The following PHRF1 variants were observed in gnomAD, a reference collection of about 807,000 sequenced individuals.
The protein encoded by PHRF1 is PHD and ring finger domains 1.
A neutral mutation model predicts 128.9 loss-of-function variants in PHRF1; 53 were observed. The observed-to-expected ratio is 0.41, with a 90% CI of 0.33 to 0.52. The LOEUF (loss-of-function observed/expected upper bound fraction) is 0.52, where lower values mean the gene tolerates loss of function less well. PHRF1 is among the 20% of genes least tolerant of loss of function. The pLI, the probability that PHRF1 is intolerant of heterozygous loss-of-function variation, is 0.21. For synonymous variants in PHRF1, 1,178 were observed against 980.6 expected, an observed-to-expected ratio of 1.20 and a Z score of -3.76; for missense variants, 2,503 against 2,284.5, an observed-to-expected ratio of 1.10 and a Z score of -1.95.
In PHRF1 at chr11:608,912, G is replaced by T; in HGVS notation, c.3456G>T (p.Val1152=). ...AGCGGCCAGACAGGAAGGAGAGTGTGGCGTGGCCCCGAGACCGGAGGAAGC... is the reference window on the plus strand; with the variant it reads ...AGCGGCCAGACAGGAAGGAGAGTGTTGCGTGGCCCCGAGACCGGAGGAAGC... ...SHERPDRKES[V]AWPRDRRKRR... Residue 1152 remains valine (V), a synonymous_variant, in exon 14 of 18, where the codon GTG becomes GTT. Transcript: ENST00000264555. 6.2e-7 allele frequency: 1 copy of T among 1,612,138 alleles called. No individual in the cohort carries two copies. Among genetic ancestry groups the T allele is most frequent in the Non-Finnish European group, 8.5e-7 (1 of 1,179,744 alleles).
chr11:604,606 C>G (rs948211350), intron 10 of PHRF1, among the ~76,000 whole-genome samples: 33 of 152,286 alleles, frequency 2.2e-4, no homozygotes, highest in African/African-American at 7.7e-4. Flanking sequence ...CCTCTGCCTC[C>G]CGGGTTCAAG....
In PHRF1 at chr11:596,579, CTT is replaced by C. The variant is rs146151880; in HGVS notation, c.621-341_621-340del. ...TGGGCAGCGTAAACCGCAGGTCTTC[CTT>C]TTCTTGGTTTTGGAAACTAGACATC... On this transcript the variant is annotated intron_variant, in intron 6 of 17. Coordinates refer to ENST00000264555, the MANE Select transcript of PHRF1 (RefSeq NM_001286581.2). 1.6e-3 allele frequency among the ~76,000 whole-genome samples: 245 copies of C among 152,358 alleles called. 1 individual carries two copies. The East Asian group carries it at 0.031, about 20-fold the overall frequency.
At chr11:601,461 G>A (rs932420588) in intron 9 of PHRF1, 113 bp from the exon 10 acceptor site, 20 of 1,421,854 alleles carry the variant, frequency 1.4e-5, no homozygotes, top group South Asian at 5.2e-5. Flanking sequence ...AAGCCGGTGC[G>A]TGTGGTCCCG....
At chr11:590,622 A>G (rs769715331) in intron 4 of PHRF1, among the ~76,000 whole-genome samples, 5 of 152,230 alleles carry the variant, frequency 3.3e-5, no homozygotes, top group African/African-American at 4.8e-5. Context: ...AAGCCAACAT[A>G]AAGATCTTAT....
intron 14 of PHRF1, 86 bp from the exon 15 acceptor site, chr11:610,109 GC>G: frequency 7.0e-7 from 1 of 1,436,308 alleles, no homozygotes; most frequent in Non-Finnish European, 9.2e-7. Context: ...TGCTCCTGGT[GC>G]TTTTCTGGAT....
chr11:591,825 CA>C (rs1414419411), intron 5 of PHRF1, among the ~76,000 whole-genome samples: 1 of 152,162 alleles, frequency 6.6e-6, no homozygotes, highest in Non-Finnish European at 1.5e-5. Context: ...CAGCTTACTA[CA>C]GCCTCAATCT....
chr11:587,219 G>C (rs1854618895), intron 3 of PHRF1, 40 bp from the exon 4 acceptor site: 2 of 1,598,894 alleles, frequency 1.3e-6, no homozygotes, highest in Non-Finnish European at 1.7e-6. Context: ...GGTTCACGCT[G>C]CCCATCCTGC....
At chr11:605,034 T>C (rs1564859878) in intron 10 of PHRF1, 85 bp from the exon 11 acceptor site, 9 of 1,358,752 alleles carry the variant, frequency 6.6e-6, no homozygotes, top group African/African-American at 1.5e-5. Context: ...CTGTTGCTGA[T>C]GAAGGCTTCA....
Position 608,367 on chromosome 11 carries a change from C to T in PHRF1, c.2911C>T (p.Pro971Ser), listed in dbSNP as rs1856095683. Reference protein sequence around the residue: ...TCVTVVEPEAPPSPDVLQAAT... With the variant: ...TCVTVVEPEASPSPDVLQAAT... The stretch of plus-strand genomic sequence containing the variant: ...TGTGACTGTCGTGGAGCCGGAAGCC[C>T]CACCCAGCCCGGACGTGCTGCAGGC... Residue 971 changes from proline to serine, a missense_variant, in exon 14 of 18, where the codon CCA becomes TCA. Transcript: ENST00000264555. 1.2e-6 allele frequency: 2 copies of T among 1,610,898 alleles called. No homozygotes were observed. The highest frequency in any genetic ancestry group is 1.7e-6 in the Non-Finnish European group (2 of 1,179,158).
chr11:585,326 C>T (rs76967430), intron 3 of PHRF1, among the ~76,000 whole-genome samples: 101 of 1,210 alleles, frequency 0.083, no homozygotes, highest in African/African-American at 0.26. Context: ...AGGTAGTAGC[C>T]CTTTCCAGCT....
At position 607,102 on chromosome 11, in the gene PHRF1, C is replaced by G; in HGVS notation, c.1646C>G (p.Ser549Cys). The change falls in exon 14 of 18, where the codon TCC becomes TGC. Residue 549 changes from serine to cysteine, a missense_variant. By Grantham distance (112) the Ser-to-Cys change is moderately radical. Coordinates refer to ENST00000264555, the MANE Select transcript of PHRF1 (RefSeq NM_001286581.2). Reference protein sequence around the residue: ...VSFQRNSGSLSRGEEGFKGCL... With the variant: ...VSFQRNSGSLCRGEEGFKGCL... ...TTTCAGCGAAACTCAGGCAGTCTGT[C>G]CAGAGGGGAAGAAGGATTCAAGGGC... 6.2e-7 allele frequency: 1 copy of G among 1,604,986 alleles called. No individual in the cohort carries two copies. The highest frequency in any genetic ancestry group is 8.5e-7 in the Non-Finnish European group (1 of 1,175,140).
chr11:587,934 G>C (rs1002996105), intron 4 of PHRF1, among the ~76,000 whole-genome samples: 23 of 152,328 alleles, frequency 1.5e-4, no homozygotes, highest in Admixed American at 1.4e-3. Context: ...AACGTGCAGT[G>C]TATTTTATAT....
At chr11:584,686 T>G (rs899292185) in intron 3 of PHRF1, among the ~76,000 whole-genome samples, 10 of 150,744 alleles carry the variant, frequency 6.6e-5, no homozygotes, top group African/African-American at 2.4e-4. Flanking sequence ...TGGAGAGGTG[T>G]TGGTATAGCC....
rs769520970 is a variant in PHRF1, at chr11:607,482, A to G, written c.2026A>G (p.Ile676Val). Residue 676 changes from isoleucine to valine, a missense_variant, in exon 14 of 18, where the codon ATC (isoleucine) becomes GTC (valine). Coordinates refer to ENST00000264555, the MANE Select transcript of PHRF1 (RefSeq NM_001286581.2). ...PLKPAPRRTD[I>V]SELPRIPKIR... ...GAAGCCAGCGCCCAGAAGAACAGAC[A>G]TCTCTGAGCTACCCAGGATACCAAA... 1.2e-6 allele frequency: 2 copies of G among 1,612,854 alleles called. No homozygotes were observed. Among genetic ancestry groups the G allele is most frequent in the Non-Finnish European group, 8.5e-7 (1 of 1,179,874 alleles).
At chr11:601,428 CAA>C (rs59861558) in intron 9 of PHRF1, 144 bp from the exon 10 acceptor site, 28,446 of 840,626 alleles carry the variant, frequency 0.034, no homozygotes, top group South Asian at 0.057. Context: ...GATCCTGTCT[CAA>C]AAAAAAAAAA....
intron 1 of PHRF1, among the ~76,000 whole-genome samples, chr11:577,868 T>G (rs1044133502): frequency 2.6e-5 from 4 of 152,240 alleles, no homozygotes; most frequent in Admixed American, 2.0e-4. Flanking sequence ...TTGGTTCCCC[T>G]GAATTTGAAA....
Position 598,473 on chromosome 11 carries a change from G to T in PHRF1, c.995G>T (p.Arg332Leu). ...TAVYQRPLTP[R>L]TPARRKRKTR... ...GTGTATCAGCGCCCCCTGACGCCGC[G>T]CACTCCCGCCCGACGGAAGAGGAAG... Residue 332 changes from arginine to leucine, a missense_variant, in exon 9 of 18, where the codon CGC becomes CTC. By Grantham distance (102) the Arg-to-Leu change is moderately radical. Transcript: ENST00000264555. 7 of 1,609,926 alleles carry T rather than the reference G, an allele frequency of 4.3e-6. No individual in the cohort carries two copies. The highest frequency in any genetic ancestry group is 5.1e-6 in the Non-Finnish European group (6 of 1,179,530).
Position 605,804 on chromosome 11 carries a change from A to G in PHRF1, c.1454+80A>G, listed in dbSNP as rs1028473306. 4.7e-6 allele frequency: 7 copies of G among 1,490,908 alleles called. No individual in the cohort carries two copies. The African/African-American group carries it at 8.4e-5, about 18-fold the overall frequency. The allele number at this position is 1,490,908 out of a possible 1,614,324, so 92.4% of individuals were successfully genotyped here. On this transcript the variant is annotated intron_variant, in intron 12 of 17. Coordinates refer to ENST00000264555, the MANE Select transcript of PHRF1 (RefSeq NM_001286581.2). ...GGGAGTTCTAGGGTGGGGCCGTGAT[A>G]GCCTGGCTCTCTGTGGCCCTGGGTG...
chr11:606,438 A>G lies in PHRF1; in HGVS notation c.1455-4A>G, dbSNP rs758792177. The G allele has an allele frequency of 6.5e-7, 1 of 1,543,598 alleles. No individual in the cohort carries two copies. Among genetic ancestry groups the G allele is most frequent in the African/African-American group, 1.4e-5 (1 of 73,304 alleles). ...ACGGCAGGGCCTTGGGTCTGTGCCC[A>G]CAGGAGGCGCCTCCCTGCCGCGGTG... On this transcript the variant is annotated splice_polypyrimidine_tract_variant and splice_region_variant and intron_variant, in intron 12 of 17. Transcript: ENST00000264555.
Sources: allele counts gnomAD v4.1 joint callset (sites outside exome capture counted in the v4.1 genomes callset), GRCh38; gene constraint gnomAD v4.1.1; transcripts MANE v1.5; gene names NCBI Gene and HGNC (gene_info 2026-07-23, HGNC 2026-07-21).